Variants in SFMBT2 observed in about 807,000 individuals in gnomAD.
SFMBT2 encodes scm-like with four MBT domains protein 2.
A neutral mutation model predicts 110.1 loss-of-function variants in SFMBT2; 38 were observed. The ratio of observed to expected loss-of-function variants is 0.35; its 90% CI spans 0.27 to 0.45. SFMBT2 has a LOEUF of 0.45. Among genes scored for constraint, SFMBT2 ranks in the 20% least tolerant of loss-of-function variants. The pLI is 1.00. For missense variants in SFMBT2, 1,011 were observed against 1,094.9 expected (o/e 0.92, Z 1.08); for synonymous variants, 425 against 425.4 (o/e 1.00, Z 0.01).
intron 4 of SFMBT2, among the ~76,000 whole-genome samples, chr10:7,357,202 A>G (rs1844548036): frequency 6.6e-6 from 1 of 152,108 alleles, no homozygotes; most frequent in South Asian, 2.1e-4. Context: ...ATTCAGCTCT[A>G]GCTCTGAATC....
chr10:7,345,512 C>A (rs1268652679), intron 4 of SFMBT2, among the ~76,000 whole-genome samples: 1 of 152,134 alleles, frequency 6.6e-6, no homozygotes, highest in East Asian at 1.9e-4. Flanking sequence ...GCATGTGCCA[C>A]CACACCCGGC....
At chr10:7,325,920 T>C (rs1429295853) in intron 4 of SFMBT2, among the ~76,000 whole-genome samples, 1 of 152,232 alleles carries the variant, frequency 6.6e-6, no homozygotes. Context: ...TCTCAATAAA[T>C]ATGTTAAAAA....
intron 7 of SFMBT2, among the ~76,000 whole-genome samples, chr10:7,255,138 C>T (rs897596944): frequency 2.0e-5 from 3 of 152,116 alleles, no homozygotes; most frequent in African/African-American, 4.8e-5. Flanking sequence ...TTAATGCAGT[C>T]GGAGGGCATG....
chr10:7,163,635 T>C lies in SFMBT2; in HGVS notation c.*135A>G. The C allele has an allele frequency of 1.3e-6, 1 of 762,032 alleles. No homozygotes were observed. 47.2% of individuals were successfully genotyped at this position (762,032 alleles called of 1,614,324 possible). A position where few individuals can be genotyped will look rare whatever the true frequency, so the allele number is the denominator to read the frequency against. On this transcript the variant is annotated 3_prime_UTR_variant, in exon 21 of 21. Transcript: ENST00000397167. The surrounding 1 kb of genome is among the most constrained non-coding windows in gnomAD (Gnocchi z 4.8). Reference sequence around the variant, plus strand: ...CTCACAGGCTGGCGGAGGCAGAAGATCCTGGGCTTCTGGTTTTCTGGTGAT... The same window carrying C: ...CTCACAGGCTGGCGGAGGCAGAAGACCCTGGGCTTCTGGTTTTCTGGTGAT...
At chr10:7,368,381 T>G (rs1484950544) in intron 3 of SFMBT2, 42 of 985,222 alleles carry the variant, frequency 4.3e-5, no homozygotes, top group Non-Finnish European at 4.9e-5. Flanking sequence ...TGTTGATATC[T>G]ACCAGCCCTC....
intron 5 of SFMBT2, chr10:7,285,456 T>C (rs1842058558): frequency 1.3e-5 from 2 of 153,354 alleles, no homozygotes; most frequent in African/African-American, 4.8e-5. Flanking sequence ...GAACATTTAA[T>C]GGAACGACTT....
At chr10:7,386,862 T>C (rs1845622273) in intron 1 of SFMBT2, among the ~76,000 whole-genome samples, 1 of 152,234 alleles carries the variant, frequency 6.6e-6, no homozygotes, top group African/African-American at 2.4e-5. Context: ...TAGGTTATAT[T>C]ACTGTTCCCA....
chr10:7,264,918 C>T (rs989409254), intron 7 of SFMBT2, among the ~76,000 whole-genome samples: 11 of 131,142 alleles, frequency 8.4e-5, no homozygotes, highest in Middle Eastern at 4.2e-3. Flanking sequence ...TCTGAAAAGA[C>T]GGACATTTTA....
At chr10:7,248,730 AT>A in intron 7 of SFMBT2, 81 bp from the exon 8 acceptor site, 2 of 1,280,702 alleles carry the variant, frequency 1.6e-6, no homozygotes, top group Non-Finnish European at 2.2e-6. Context: ...CTCCTGGAGC[AT>A]TTTATTGGGC....
intron 4 of SFMBT2, among the ~76,000 whole-genome samples, chr10:7,337,126 T>A (rs552053821): frequency 6.6e-6 from 1 of 152,236 alleles, no homozygotes; most frequent in Admixed American, 6.5e-5. Flanking sequence ...AGTGTCTCTA[T>A]TCCTGAGAGA....
intron 1 of SFMBT2, among the ~76,000 whole-genome samples, chr10:7,397,973 G>A (rs946367200): frequency 2.0e-5 from 3 of 152,150 alleles, no homozygotes; most frequent in African/African-American, 4.8e-5. Context: ...CTTGCCATCC[G>A]CCATATGCTC....
chr10:7,258,997 T>C (rs1433579240), intron 7 of SFMBT2, among the ~76,000 whole-genome samples: 3 of 152,190 alleles, frequency 2.0e-5, no homozygotes, highest in African/African-American at 7.2e-5. Context: ...AGTTAAAAAA[T>C]AGTAATGAGA....
Position 7,381,848 on chromosome 10 carries a change from G to T in SFMBT2, c.51C>A (p.Pro17=), listed in dbSNP as rs768273302. Residue 17 remains proline, a synonymous_variant, in exon 2 of 21, where the codon CCC becomes CCA. Coordinates refer to ENST00000397167, the MANE Select transcript of SFMBT2 (RefSeq NM_001387889.1). ...TAGCTGAGCCGAGACACTTTTCCAA[G>T]GGTGAAGATGAAGGGTCTTGCATAT... ...ASNMQDPSSS[P]LEKCLGSANG... 1.2e-6 allele frequency: 2 copies of T among 1,613,550 alleles called. No homozygotes were observed. The highest frequency in any genetic ancestry group is 1.7e-5 in the Admixed American group (1 of 59,994).
At chr10:7,388,326 GGATGATGATGAT>G (rs113666945) in intron 1 of SFMBT2, among the ~76,000 whole-genome samples, 22 of 146,174 alleles carry the variant, frequency 1.5e-4, no homozygotes, top group Admixed American at 4.8e-4. Context: ...AAACAAAGAA[GGATGATGATGAT>G]GATGATGATG....
Position 7,170,973 on chromosome 10 carries a change from A to C in SFMBT2, c.2499T>G (p.Ile833Met). The C allele has an allele frequency of 6.2e-7, 1 of 1,614,132 alleles. No individual in the cohort carries two copies. Among genetic ancestry groups the C allele is most frequent in the African/African-American group, 1.3e-5 (1 of 75,032 alleles). The change falls in exon 20 of 21, where the codon ATT becomes ATG. Residue 833 changes from isoleucine (I) to methionine (M), a missense_variant. Transcript: ENST00000397167. This position sits in a 1 kb window ranked among gnomAD's most constrained non-coding sequence, Gnocchi z 4.6. ...EWTVTDVVRF[I>M]KLTDCAPLAK... Reference sequence around the variant, plus strand: ...CCAAGGGGGCACAGTCTGTCAGCTTAATGAACCTCACCACGTCGGTGACCG... The same window carrying C: ...CCAAGGGGGCACAGTCTGTCAGCTTCATGAACCTCACCACGTCGGTGACCG...
chr10:7,217,997 C>T (rs1318243988), intron 11 of SFMBT2, among the ~76,000 whole-genome samples: 1 of 152,124 alleles, frequency 6.6e-6, no homozygotes, highest in African/African-American at 2.4e-5. Flanking sequence ...CCTTTAGAGA[C>T]ACGTAAAGAA....
chr10:7,324,218 G>C (rs1564440475), intron 4 of SFMBT2, among the ~76,000 whole-genome samples: 1 of 152,100 alleles, frequency 6.6e-6, no homozygotes, highest in Admixed American at 6.5e-5. Flanking sequence ...TGAATGTTTT[G>C]CTATAAGTGT....
chr10:7,297,818 C>T (rs745430588), intron 4 of SFMBT2, among the ~76,000 whole-genome samples: 21 of 152,226 alleles, frequency 1.4e-4, no homozygotes, highest in Non-Finnish European at 2.5e-4. Context: ...ATTCAGCACA[C>T]GCAAGAGTGT....
chr10:7,283,436 T>C (rs1842002341), intron 6 of SFMBT2, among the ~76,000 whole-genome samples: 1 of 152,126 alleles, frequency 6.6e-6, no homozygotes, highest in Non-Finnish European at 1.5e-5. Flanking sequence ...GATAAATAGA[T>C]GAATGCTGGA....
Sources: allele counts gnomAD v4.1 joint callset (sites outside exome capture counted in the v4.1 genomes callset), GRCh38; gene constraint gnomAD v4.1.1; non-coding constraint Gnocchi (gnomAD v3.1); transcripts MANE v1.5; gene names NCBI Gene and HGNC (gene_info 2026-07-23, HGNC 2026-07-21).